Variants in PXN observed in about 807,000 individuals in gnomAD.
PXN encodes the protein paxillin.
A neutral mutation model predicts 103.6 loss-of-function variants in PXN; 61 were observed. That is an observed-to-expected ratio of 0.59 (90% CI 0.48 to 0.73). The LOEUF is 0.73. PXN is among the 30% of genes least tolerant of loss of function. The pLI is 0.00. For missense variants in PXN, 1,274 were observed against 1,460.3 expected (o/e 0.87, Z 2.08); for synonymous variants, 562 against 607.8 (o/e 0.92, Z 1.11).
chr12:120,213,702 AAGG>A lies in PXN; in HGVS notation c.2979+137_2979+139del, dbSNP rs1051610247. The A allele has an allele frequency of 3.4e-5, 41 of 1,222,156 alleles. No individual in the cohort carries two copies. The highest frequency in any genetic ancestry group is 4.5e-5 in the Non-Finnish European group (40 of 885,690). 75.7% of individuals were successfully genotyped at this position (1,222,156 alleles called of 1,614,324 possible). On this transcript the variant is annotated intron_variant, in intron 14 of 14. Transcript: ENST00000637617. This position sits in a 1 kb window ranked among gnomAD's most constrained non-coding sequence, Gnocchi z 4.2. ...GGCCCAGGACCTACTGGACTGGAGG[AAGG>A]AGATCCCCTGCCTGCTCCCCCAATT...
At chr12:120,232,143 T>TCC (rs1888176596) in intron 1 of PXN, among the ~76,000 whole-genome samples, 1 of 152,224 alleles carries the variant, frequency 6.6e-6, no homozygotes, top group African/African-American at 2.4e-5. Context: ...TGCCTCAGCC[T>TCC]CCCGAGTAGC....
intron 1 of PXN, among the ~76,000 whole-genome samples, chr12:120,251,976 G>A (rs1892270484): frequency 3.3e-5 from 5 of 152,156 alleles, no homozygotes; most frequent in Admixed American, 3.3e-4. Flanking sequence ...GTCAGGAAAT[G>A]CACCTATTTC....
chr12:120,223,278 C>T (rs1227894637), intron 3 of PXN, among the ~76,000 whole-genome samples: 1 of 151,912 alleles, frequency 6.6e-6, no homozygotes, highest in Non-Finnish European at 1.5e-5. Context: ...CCCGTCTCTA[C>T]TAAAAATTAG....
At position 120,222,824 on chromosome 12, in the gene PXN, TG is replaced by T. The variant is rs1566386256; in HGVS notation, c.493+38del. The T allele has an allele frequency of 1.2e-6, 2 of 1,609,210 alleles. No individual in the cohort carries two copies. Among genetic ancestry groups the T allele is most frequent in the Admixed American group, 1.7e-5 (1 of 58,826 alleles). ...GATCTAGAGGTCAGCAGATGGGCCC[TG>T]GGCCCTGGTAGACCCTGCCCCAGGG... On this transcript the variant is annotated intron_variant, in intron 4 of 14. Transcript: ENST00000637617. The surrounding 1 kb of genome is among the most constrained non-coding windows in gnomAD (Gnocchi z 4.7).
Position 120,215,724 on chromosome 12 carries a change from C to A in PXN, c.2302-63G>T, listed in dbSNP as rs1231464684. 6.7e-7 allele frequency: 1 copy of A among 1,493,886 alleles called. No homozygotes were observed. The highest frequency in any genetic ancestry group is 1.3e-5 in the South Asian group (1 of 79,000). 92.5% of individuals were successfully genotyped at this position (1,493,886 alleles called of 1,614,324 possible). A position where few individuals can be genotyped will look rare whatever the true frequency, so the allele number is the denominator to read the frequency against. On this transcript the variant is annotated intron_variant, in intron 9 of 14. Coordinates refer to ENST00000637617, the MANE Select transcript of PXN (RefSeq NM_001385981.1). The surrounding 1 kb of genome is among the most constrained non-coding windows in gnomAD (Gnocchi z 4.9). ...TTAAAAATTAAGAAAGAATACAAGA[C>A]CTTGTCACTGGACTAAAAGGGAATC...
Position 120,217,150 on chromosome 12 carries a change from C to T in PXN, c.1717-34G>A, listed in dbSNP as rs753229047. On this transcript the variant is annotated intron_variant, in intron 7 of 14. Coordinates refer to ENST00000637617, the MANE Select transcript of PXN (RefSeq NM_001385981.1). The surrounding 1 kb of genome is among the most constrained non-coding windows in gnomAD (Gnocchi z 4.1). ...AGGGGGAGGGGAGGCTGTCACCGTC[C>T]CACTCCCAGCTTGCACAACGCTGCT... 1 of 1,512,930 alleles carries T rather than the reference C, an allele frequency of 6.6e-7. No individual in the cohort carries two copies. Among genetic ancestry groups the T allele is most frequent in the Non-Finnish European group, 8.9e-7 (1 of 1,119,290 alleles). 93.7% of individuals were successfully genotyped at this position (1,512,930 alleles called of 1,614,324 possible). A position where few individuals can be genotyped will look rare whatever the true frequency, so the allele number is the denominator to read the frequency against.
Position 120,224,977 on chromosome 12 carries a change from C to T in PXN, c.14-600G>A, listed in dbSNP as rs771201902. The T allele has an allele frequency of 3.8e-5, 13 of 342,590 alleles. No homozygotes were observed. Among genetic ancestry groups the T allele is most frequent in the Non-Finnish European group, 7.0e-5 (12 of 171,502 alleles). The allele number at this position is 342,590 out of a possible 1,614,324, so 21.2% of individuals were successfully genotyped here. A position where few individuals can be genotyped will look rare whatever the true frequency, so the allele number is the denominator to read the frequency against. ...GGTGGGGGCTGGAGTGAGGCTGGTG[C>T]AGCGGTCCCCACCCCCTCAGTGAGC... On this transcript the variant is annotated intron_variant, in intron 1 of 14. Coordinates refer to ENST00000637617, the MANE Select transcript of PXN (RefSeq NM_001385981.1). This position sits in a 1 kb window ranked among gnomAD's most constrained non-coding sequence, Gnocchi z 5.0.
Position 120,215,717 on chromosome 12 carries a change from T to C in PXN, c.2302-56A>G. 1 of 1,518,062 alleles carries C rather than the reference T, an allele frequency of 6.6e-7. No individual in the cohort carries two copies. 94.0% of individuals were successfully genotyped at this position (1,518,062 alleles called of 1,614,324 possible). On this transcript the variant is annotated intron_variant, in intron 9 of 14. Coordinates refer to ENST00000637617, the MANE Select transcript of PXN (RefSeq NM_001385981.1). The surrounding 1 kb of genome is among the most constrained non-coding windows in gnomAD (Gnocchi z 4.9). ...ATCTTTTTTAAAAATTAAGAAAGAA[T>C]ACAAGACCTTGTCACTGGACTAAAA... is the stretch of plus-strand genomic sequence containing the variant.
chr12:120,224,393 A>ACGG lies in PXN; in HGVS notation c.14-19_14-17dup, dbSNP rs755975860. The ACGG allele has an allele frequency of 6.3e-7, 1 of 1,597,752 alleles. No individual in the cohort carries two copies. Among genetic ancestry groups the ACGG allele is most frequent in the African/African-American group, 1.3e-5 (1 of 74,664 alleles). ...AGCAGGGCGTCTGCAAAGAGAAGGC[A>ACGG]CGGGTAGCAGGTGAGAACCGGGATC... On this transcript the variant is annotated splice_polypyrimidine_tract_variant and intron_variant, in intron 1 of 14. Transcript: ENST00000637617. The surrounding 1 kb of genome is among the most constrained non-coding windows in gnomAD (Gnocchi z 5.0).
Position 120,212,439 on chromosome 12 carries a change from C to T in PXN, c.3121G>A (p.Ala1041Thr). The change falls in exon 15 of 15, where the codon GCC becomes ACC. Residue 1041 changes from alanine (A) to threonine (T), a missense_variant. This residue lies in a region of PXN where 96 missense variants were observed against 151.3 expected (regional missense o/e 0.63). Coordinates refer to ENST00000637617, the MANE Select transcript of PXN (RefSeq NM_001385981.1). The surrounding 1 kb of genome is among the most constrained non-coding windows in gnomAD (Gnocchi z 7.2). ...PITGRCITAM[A>T]KKFHPEHFVC... ...AAGTGCTCGGGGTGGAACTTCTTGG[C>T]CATGGCGGTGATGCAGCGGCCGGTG... 1 of 1,614,026 alleles carries T rather than the reference C, an allele frequency of 6.2e-7. No homozygotes were observed. The highest frequency in any genetic ancestry group is 1.1e-5 in the South Asian group (1 of 91,090).
intron 1 of PXN, among the ~76,000 whole-genome samples, chr12:120,240,810 C>A (rs1156894792): frequency 3.9e-5 from 6 of 152,194 alleles, no homozygotes; most frequent in African/African-American, 1.4e-4. Context: ...CACTAACCCA[C>A]CCAGGACTGA....
At chr12:120,236,020 A>G (rs975790294) in intron 1 of PXN, among the ~76,000 whole-genome samples, 2 of 152,198 alleles carry the variant, frequency 1.3e-5, no homozygotes, top group African/African-American at 4.8e-5. Flanking sequence ...TAGATTTTCC[A>G]ACCCACAGTC....
In PXN at chr12:120,215,667, A is replaced by C. The variant is rs752705340; in HGVS notation, c.2302-6T>G. The stretch of plus-strand genomic sequence containing the variant: ...CTTTGCTCCAGGCCCTGGATCTTAG[A>C]TAGGGGAAGAGATGAGGGTAAGAAA... On this transcript the variant is annotated splice_polypyrimidine_tract_variant and splice_region_variant and intron_variant, in intron 9 of 14. Transcript: ENST00000637617. The surrounding 1 kb of genome is among the most constrained non-coding windows in gnomAD (Gnocchi z 4.9). The C allele has an allele frequency of 1.9e-6, 3 of 1,600,730 alleles. No homozygotes were observed. Among genetic ancestry groups the C allele is most frequent in the Non-Finnish European group, 2.6e-6 (3 of 1,175,890 alleles).
intron 1 of PXN, among the ~76,000 whole-genome samples, chr12:120,250,476 G>A (rs1594509466): frequency 6.6e-6 from 1 of 152,180 alleles, no homozygotes. Context: ...GAGGCTTTCT[G>A]GATGCCTAGA....
Position 120,216,016 on chromosome 12 carries a change from G to A in PXN, c.2301+257C>T. ...GCTTCTTTCCTCGATGGGAGCCCGG[G>A]GCAGTACTGAGGACCAGTCGAGGAA... On this transcript the variant is annotated intron_variant, in intron 9 of 14. Coordinates refer to ENST00000637617, the MANE Select transcript of PXN (RefSeq NM_001385981.1). This position sits in a 1 kb window ranked among gnomAD's most constrained non-coding sequence, Gnocchi z 5.1. 7.4e-7 allele frequency: 1 copy of A among 1,355,542 alleles called. No homozygotes were observed. The highest frequency in any genetic ancestry group is 9.5e-7 in the Non-Finnish European group (1 of 1,055,748). The allele number at this position is 1,355,542 out of a possible 1,614,324, so 84.0% of individuals were successfully genotyped here.
chr12:120,216,435 C>A lies in PXN; in HGVS notation c.2139G>T (p.Leu713=). The A allele has an allele frequency of 7.3e-7, 1 of 1,378,324 alleles. No individual in the cohort carries two copies. Among genetic ancestry groups the A allele is most frequent in the Non-Finnish European group, 9.3e-7 (1 of 1,075,324 alleles). The allele number at this position is 1,378,324 out of a possible 1,614,324, so 85.4% of individuals were successfully genotyped here. The change falls in exon 9 of 15, where the codon CTG becomes CTT. Residue 713 remains leucine (L), a synonymous_variant. Coordinates refer to ENST00000637617, the MANE Select transcript of PXN (RefSeq NM_001385981.1). The surrounding 1 kb of genome is among the most constrained non-coding windows in gnomAD (Gnocchi z 5.1). ...AACCACAGGTATAAGCTGAGGGCCC[C>A]AGGGGGGAGGAGGCGAGCAGGCTGG... ...PLPSLLASSP[L]GPSAYTCGSS...
intron 1 of PXN, among the ~76,000 whole-genome samples, chr12:120,260,178 C>T (rs1311211554): frequency 6.6e-6 from 1 of 152,188 alleles, no homozygotes; most frequent in Non-Finnish European, 1.5e-5. Flanking sequence ...ACACTCCCCC[C>T]AGGACCCTGC....
intron 1 of PXN, among the ~76,000 whole-genome samples, chr12:120,264,849 C>T (rs1894431636): frequency 1.3e-5 from 2 of 152,072 alleles, no homozygotes; most frequent in South Asian, 4.2e-4. Context: ...GACTTAGATA[C>T]CATGGTAGAC....
intron 1 of PXN, among the ~76,000 whole-genome samples, chr12:120,243,930 G>A (rs1890599198): frequency 6.6e-6 from 1 of 151,970 alleles, no homozygotes; most frequent in African/African-American, 2.4e-5. Context: ...CTTCATCTGA[G>A]CATTGGGCAG....
Sources: allele counts gnomAD v4.1 joint callset (sites outside exome capture counted in the v4.1 genomes callset), GRCh38; gene constraint gnomAD v4.1.1; regional missense constraint gnomAD v4.1.1; non-coding constraint Gnocchi (gnomAD v3.1); transcripts MANE v1.5; gene names NCBI Gene and HGNC (gene_info 2026-07-23, HGNC 2026-07-21).